Variants in SNTB2 observed in about 807,000 individuals in gnomAD.
SNTB2 encodes beta-2-syntrophin.
In SNTB2, 34 loss-of-function variants were observed where a neutral mutation model predicts 46.2. That is an observed-to-expected ratio of 0.74 (90% confidence interval 0.56 to 0.98). SNTB2 has a LOEUF of 0.98. SNTB2 is among the 50% of genes least tolerant of loss of function. SNTB2 has a pLI of 0.00. For synonymous variants in SNTB2, 290 were observed against 312.6 expected, an observed-to-expected ratio of 0.93 and a Z score of 0.76; for missense variants, 603 against 731.4, an observed-to-expected ratio of 0.82 and a Z score of 2.02.
chr16:69,294,505 C>T (rs1010700086), intron 5 of SNTB2, among the ~76,000 whole-genome samples: 71 of 152,008 alleles, frequency 4.7e-4, no homozygotes, highest in African/African-American at 1.5e-3. Context: ...GGGTGGATCA[C>T]CTATGGTCAG....
chr16:69,253,434 G>T (rs1964744485), intron 2 of SNTB2, among the ~76,000 whole-genome samples: 1 of 151,728 alleles, frequency 6.6e-6, no homozygotes, highest in South Asian at 2.1e-4. Context: ...TGGATCACGA[G>T]GTCAGGAGAT....
intron 2 of SNTB2, among the ~76,000 whole-genome samples, chr16:69,246,160 T>G (rs1222984813): frequency 6.6e-6 from 1 of 152,206 alleles, no homozygotes; most frequent in Non-Finnish European, 1.5e-5. Flanking sequence ...ACTTTATAAT[T>G]GAAAGAAGTC....
chr16:69,273,711 A>G (rs927595942), intron 4 of SNTB2, among the ~76,000 whole-genome samples: 3 of 152,200 alleles, frequency 2.0e-5, no homozygotes, highest in African/African-American at 7.2e-5. Context: ...ATATTTTAAT[A>G]ATTCAGTTAT....
At chr16:69,239,212 C>G (rs185445342) in intron 1 of SNTB2, among the ~76,000 whole-genome samples, 3 of 152,306 alleles carry the variant, frequency 2.0e-5, no homozygotes, top group African/African-American at 7.2e-5. Flanking sequence ...ACCCTAACTA[C>G]CATATTTAAA....
At chr16:69,231,575 G>A (rs749936265) in intron 1 of SNTB2, among the ~76,000 whole-genome samples, 10 of 152,192 alleles carry the variant, frequency 6.6e-5, no homozygotes, top group Non-Finnish European at 1.3e-4. Flanking sequence ...GGCAGCAGGA[G>A]TGAAACTCCA....
intron 1 of SNTB2, among the ~76,000 whole-genome samples, chr16:69,208,374 C>A (rs955362645): frequency 6.6e-6 from 1 of 150,914 alleles, no homozygotes; most frequent in Non-Finnish European, 1.5e-5. Flanking sequence ...CCACTGCACT[C>A]CAGCCTGGGC....
intron 4 of SNTB2, among the ~76,000 whole-genome samples, chr16:69,271,275 G>T (rs1252990993): frequency 1.3e-5 from 2 of 152,164 alleles, no homozygotes; most frequent in African/African-American, 2.4e-5. Context: ...AGGATTTGGT[G>T]AGCCTCAGTA....
chr16:69,248,372 G>A (rs780937341), intron 2 of SNTB2, among the ~76,000 whole-genome samples: 1 of 151,676 alleles, frequency 6.6e-6, no homozygotes, highest in African/African-American at 2.4e-5. Context: ...GGTGGCTCAC[G>A]CCTGTAATCC....
intron 1 of SNTB2, among the ~76,000 whole-genome samples, chr16:69,218,500 C>A (rs1964370535): frequency 6.6e-6 from 1 of 151,746 alleles, no homozygotes. Flanking sequence ...CGGCTCACTG[C>A]AAGCTCTGCC....
intron 1 of SNTB2, among the ~76,000 whole-genome samples, chr16:69,195,679 T>C (rs1341424015): frequency 1.3e-5 from 2 of 152,150 alleles, no homozygotes; most frequent in Non-Finnish European, 2.9e-5. Flanking sequence ...ACATATTGCC[T>C]TAACTTAATA....
At chr16:69,216,208 C>T (rs1207914619) in intron 1 of SNTB2, among the ~76,000 whole-genome samples, 1 of 152,122 alleles carries the variant, frequency 6.6e-6, no homozygotes, top group Non-Finnish European at 1.5e-5. Context: ...CTGCTCTTTA[C>T]CATGTACTCT....
chr16:69,285,236 A>G (rs1216312943), intron 5 of SNTB2, among the ~76,000 whole-genome samples: 1 of 152,222 alleles, frequency 6.6e-6, no homozygotes, highest in East Asian at 1.9e-4. Flanking sequence ...AAAAGTGATA[A>G]TGATAGAAAG....
At chr16:69,195,307 G>T (rs1049689699) in intron 1 of SNTB2, among the ~76,000 whole-genome samples, 1 of 152,002 alleles carries the variant, frequency 6.6e-6, no homozygotes, top group Non-Finnish European at 1.5e-5. Context: ...GTTTCACTCT[G>T]TTGCCCAGGT....
intron 1 of SNTB2, among the ~76,000 whole-genome samples, chr16:69,226,352 T>C (rs1597179306): frequency 6.6e-6 from 1 of 151,384 alleles, no homozygotes; most frequent in East Asian, 1.9e-4. Context: ...ATTACAGGCG[T>C]GAGCCACCAT....
At chr16:69,300,710 C>T in intron 6 of SNTB2, 122 bp from the exon 7 acceptor site, 3 of 688,868 alleles carry the variant, frequency 4.4e-6, no homozygotes, top group African/African-American at 1.8e-5. Flanking sequence ...GCTTTAAGTT[C>T]CTAAGAGTTT....
intron 1 of SNTB2, among the ~76,000 whole-genome samples, chr16:69,209,683 G>A (rs1269501541): frequency 2.0e-5 from 3 of 152,126 alleles, no homozygotes; most frequent in Non-Finnish European, 2.9e-5. Flanking sequence ...TATGTTTTTA[G>A]TCTACTTTAA....
chr16:69,250,981 G>T (rs1172448937), intron 2 of SNTB2, among the ~76,000 whole-genome samples: 7 of 140,732 alleles, frequency 5.0e-5, no homozygotes, highest in African/African-American at 1.8e-4. Context: ...TTGTTTATCT[G>T]TTTTTTTTTT....
intron 4 of SNTB2, among the ~76,000 whole-genome samples, chr16:69,279,377 CTTTT>C (rs1200314917): frequency 6.6e-6 from 1 of 152,108 alleles, no homozygotes; most frequent in East Asian, 1.9e-4. Context: ...TTTATCCTTT[CTTTT>C]GTCAGTGGAC....
At chr16:69,209,790 A>T (rs1163069162) in intron 1 of SNTB2, among the ~76,000 whole-genome samples, 3 of 152,158 alleles carry the variant, frequency 2.0e-5, no homozygotes, top group Non-Finnish European at 4.4e-5. Flanking sequence ...TCTAATTTAG[A>T]AGGAGAGATA....
Sources: gnomAD v4.1 joint callset for allele counts (sites outside exome capture counted in the v4.1 genomes callset) on GRCh38, gnomAD v4.1.1 for gene constraint, MANE v1.5 for transcripts, NCBI Gene and HGNC (gene_info 2026-07-23, HGNC 2026-07-21) for gene names.